The following CPSF3 variants were observed in gnomAD, a reference collection of about 807,000 sequenced individuals.
CPSF3 encodes the protein cleavage and polyadenylation specific factor 3, also known as cleavage and polyadenylation specificity factor subunit 3.
A neutral mutation model predicts 84.1 loss-of-function variants in CPSF3; 57 were observed. The ratio of observed to expected loss-of-function variants is 0.68; its 90% CI spans 0.55 to 0.85. CPSF3 has a LOEUF of 0.85. CPSF3 is among the 40% of genes least tolerant of loss of function. The probability of loss-of-function intolerance (pLI) is 0.00; values close to 1 mark genes in which losing one functional copy is unlikely to be tolerated. For missense variants in CPSF3, 522 were observed against 838.8 expected (o/e 0.62, Z 4.66); for synonymous variants, 275 against 278.1 (o/e 0.99, Z 0.11).
intron 11 of CPSF3, among the ~76,000 whole-genome samples, chr2:9,449,920 A>T (rs1227278776): frequency 1.3e-5 from 2 of 152,126 alleles, no homozygotes; most frequent in Non-Finnish European, 2.9e-5. Context: ...GAAACTTTTT[A>T]AAAATTACAT....
chr2:9,461,885 C>G (rs1681738839), intron 15 of CPSF3, among the ~76,000 whole-genome samples: 1 of 151,728 alleles, frequency 6.6e-6, no homozygotes, highest in African/African-American at 2.4e-5. Flanking sequence ...CCTCAGCCTC[C>G]TGAGTAGCTG....
At chr2:9,448,808 G>A (rs555918629) in intron 11 of CPSF3, among the ~76,000 whole-genome samples, 5 of 152,148 alleles carry the variant, frequency 3.3e-5, no homozygotes, top group Admixed American at 2.6e-4. Flanking sequence ...ACCCACCTCC[G>A]CCTCCCAAAG....
intron 1 of CPSF3, among the ~76,000 whole-genome samples, chr2:9,427,211 T>A (rs11895982): frequency 0.56 from 84,963 of 152,004 alleles, 24,765 homozygotes; most frequent in Middle Eastern, 0.7. Context: ...TGGTGGAAAG[T>A]TTCATTGTGG....
rs1293859616 is a variant in CPSF3 at position 9,472,957 on chromosome 2, C to G, written c.1995C>G (p.Leu665=). Residue 665 remains leucine, a synonymous_variant, in exon 18 of 18, where the codon CTC becomes CTG. Transcript: ENST00000238112. ...CEEGSEDDES[L]REMVELAAQR... Reference sequence around the variant, plus strand: ...AGGGAAGTGAAGACGATGAATCCCTCCGAGAAATGGTGGAGCTGGCTGCAC... The same window carrying G: ...AGGGAAGTGAAGACGATGAATCCCTGCGAGAAATGGTGGAGCTGGCTGCAC... 4.3e-6 allele frequency: 7 copies of G among 1,613,924 alleles called. No homozygotes were observed. The highest frequency in any genetic ancestry group is 4.0e-5 in the African/African-American group (3 of 74,908).
intron 13 of CPSF3, among the ~76,000 whole-genome samples, chr2:9,456,309 G>C (rs1681525177): frequency 6.6e-6 from 1 of 152,210 alleles, no homozygotes; most frequent in African/African-American, 2.4e-5. Context: ...AAAAGGTGTA[G>C]ACTTTCTGAT....
chr2:9,443,564 T>TA lies in CPSF3; in HGVS notation c.1146dup (p.Pro383ThrfsTer7), dbSNP rs1558455468. 6.2e-7 allele frequency: 1 copy of TA among 1,614,188 alleles called. No individual in the cohort carries two copies. Among genetic ancestry groups the TA allele is most frequent in the Admixed American group, 1.7e-5 (1 of 60,024 alleles). On this transcript the variant is annotated frameshift_variant, in exon 10 of 18. Transcript: ENST00000238112. LOFTEE classifies it high-confidence loss of function. ...ATCACTACTATGTCTGGACAGAAGT[T>TA]ACCACTGAAAATGTCTGTTGATTAC...
chr2:9,467,099 T>G (rs1682006449), intron 15 of CPSF3, among the ~76,000 whole-genome samples: 2 of 152,186 alleles, frequency 1.3e-5, no homozygotes, highest in African/African-American at 2.4e-5. Flanking sequence ...CTCTGCACTC[T>G]TTTGCTACTG....
chr2:9,424,046 G>A (rs2148928882), intron 1 of CPSF3: 1 of 1,282,358 alleles, frequency 7.8e-7, no homozygotes, highest in Non-Finnish European at 9.9e-7. Flanking sequence ...ATCAGTTTCA[G>A]GGGAGGGTAT....
At chr2:9,471,871 C>T (rs944412372) in intron 17 of CPSF3, among the ~76,000 whole-genome samples, 50 of 151,594 alleles carry the variant, frequency 3.3e-4, no homozygotes, top group Non-Finnish European at 6.6e-4. Context: ...CCGGGAATGG[C>T]GGCAGCTGCC....
rs766874556 is a variant in CPSF3 at position 9,467,680 on chromosome 2, ACT to A, written c.1787-22_1787-21del. ...TTCTGAATAGGAATTTAGAAACTGAACTCTCTGTCGCTTTTTTTTTTCCCAGG... is the reference window on the plus strand; with the variant it reads ...TTCTGAATAGGAATTTAGAAACTGAACTCTGTCGCTTTTTTTTTTCCCAGG... On this transcript the variant is annotated intron_variant, in intron 15 of 17. Coordinates refer to ENST00000238112, the MANE Select transcript of CPSF3 (RefSeq NM_016207.4). The A allele has an allele frequency of 4.5e-6, 7 of 1,554,904 alleles. No individual in the cohort carries two copies. The Admixed American group carries it at 5.4e-5, about 12-fold the overall frequency.
intron 15 of CPSF3, among the ~76,000 whole-genome samples, 200 bp from the exon 16 acceptor site, chr2:9,467,507 C>T (rs939714155): frequency 2.6e-5 from 4 of 151,956 alleles, no homozygotes; most frequent in African/African-American, 9.7e-5. Context: ...TTTAAATACA[C>T]ATAAAAAGAA....
At chr2:9,447,833 A>G (rs1479891062) in intron 10 of CPSF3, among the ~76,000 whole-genome samples, 1 of 152,168 alleles carries the variant, frequency 6.6e-6, no homozygotes, top group Non-Finnish European at 1.5e-5. Flanking sequence ...GGGTAGCAAT[A>G]GTTTTGTACA....
rs1490772676 is a variant in CPSF3, at chr2:9,450,900, T to G, written c.1396-2013T>G. On this transcript the variant is annotated intron_variant, in intron 11 of 17. Transcript: ENST00000238112. ...AGGAAAAAAAGAAATTAGCAAAACT[T>G]AGGGTATGAGGTTTTTGTTGTAAAT... 7.9e-5 allele frequency among the ~76,000 whole-genome samples: 12 copies of G among 152,290 alleles called. No individual in the cohort carries two copies. In the South Asian group the frequency reaches 2.3e-3, roughly 29 times the overall value.
chr2:9,442,834 C>T (rs868130478), intron 9 of CPSF3, among the ~76,000 whole-genome samples: 28 of 146,340 alleles, frequency 1.9e-4, no homozygotes, highest in African/African-American at 6.1e-4. Context: ...ATCTGGGTGA[C>T]GGAGCAAGAC....
intron 16 of CPSF3, among the ~76,000 whole-genome samples, chr2:9,469,602 C>G (rs1682094415): frequency 6.6e-6 from 1 of 152,158 alleles, no homozygotes; most frequent in Admixed American, 6.5e-5. Context: ...TTCACTCTGG[C>G]CTTCTTCCCT....
chr2:9,470,412 A>G (rs1305096934), intron 16 of CPSF3, among the ~76,000 whole-genome samples: 1 of 152,174 alleles, frequency 6.6e-6, no homozygotes, highest in East Asian at 1.9e-4. Context: ...TGGGTTGTTT[A>G]GAGTCACTGC....
rs551012222 is a variant in CPSF3 at position 9,455,324 on chromosome 2, C to T, written c.1505-335C>T. 2.0e-5 allele frequency among the ~76,000 whole-genome samples: 3 copies of T among 152,076 alleles called. No individual in the cohort carries two copies. In the South Asian group the frequency reaches 6.2e-4, roughly 32 times the overall value. ...CTAATTTTTGTATTTGTAGTAGAGA[C>T]GGTGTTTCACAATCTTGGCCAGGCT... On this transcript the variant is annotated intron_variant, in intron 12 of 17. Transcript: ENST00000238112.
At chr2:9,471,503 CTG>C in intron 17 of CPSF3, 64 bp downstream of exon 17, 1 of 979,612 alleles carries the variant, frequency 1.0e-6, no homozygotes, top group Non-Finnish European at 1.7e-6. Context: ...CATAAATAAT[CTG>C]TGCTCTCACA....
chr2:9,425,074 T>C (rs1680329673), intron 1 of CPSF3: 2 of 152,236 alleles, frequency 1.3e-5, no homozygotes, highest in African/African-American at 4.8e-5. Context: ...GGATACCTCG[T>C]GGATCCTGAA....
Sources: gnomAD v4.1 joint callset for allele counts (sites outside exome capture counted in the v4.1 genomes callset) on GRCh38, gnomAD v4.1.1 for gene constraint, MANE v1.5 for transcripts, NCBI Gene and HGNC (gene_info 2026-07-23, HGNC 2026-07-21) for gene names.